Variants in CHD9 observed in about 807,000 individuals in gnomAD.
The protein encoded by CHD9 is ATP-dependent chromatin remodeler CHD9.
A neutral mutation model predicts 316.1 loss-of-function variants in CHD9; 77 were observed. The observed-to-expected ratio is 0.24, with a 90% CI of 0.20 to 0.29. The LOEUF (loss-of-function observed/expected upper bound fraction) is 0.29, where lower values mean the gene tolerates loss of function less well. CHD9 is among the 10% of genes least tolerant of loss of function. CHD9 has a pLI of 1.00. For synonymous variants in CHD9, 1,129 were observed against 1,158.3 expected (o/e 0.97, Z 0.51); for missense variants, 2,763 against 3,438.1 (o/e 0.80, Z 4.91).
chr16:53,324,907 T>G lies in CHD9; in HGVS notation c.*12T>G. ...GTAATGAAGACTGATTCCCAGACTC[T>G]GCACTTAAAATATGAACTGATTTTG... On this transcript the variant is annotated 3_prime_UTR_variant, in exon 39 of 39. Coordinates refer to ENST00000447540, the MANE Select transcript of CHD9 (RefSeq NM_001308319.2). 6.4e-7 allele frequency: 1 copy of G among 1,550,612 alleles called. No homozygotes were observed. The highest frequency in any genetic ancestry group is 1.4e-5 in the African/African-American group (1 of 72,326).
intron 29 of CHD9, among the ~76,000 whole-genome samples, chr16:53,296,500 G>C (rs992846057): frequency 6.9e-6 from 1 of 145,304 alleles, no homozygotes; most frequent in African/African-American, 2.6e-5. Flanking sequence ...GAGTGCAGTG[G>C]CACAATCTCG....
At position 53,185,826 on chromosome 16, in the gene CHD9, CT is replaced by C. The variant is rs570992129; in HGVS notation, c.1453-23654del. ...GCTTCAGAGGGTGCAAGCCCCAAAC[CT>C]TGGCAGCTTTCACATGGTGTTGGGC... On this transcript the variant is annotated intron_variant, in intron 2 of 38. Transcript: ENST00000447540. Among the ~76,000 whole-genome samples, 42 of 152,356 alleles carry C rather than the reference CT, an allele frequency of 2.8e-4. 1 individual carries two copies. The South Asian group carries it at 8.3e-3, about 30-fold the overall frequency.
chr16:53,088,744 C>T (rs2035686118), intron 1 of CHD9, among the ~76,000 whole-genome samples: 1 of 151,996 alleles, frequency 6.6e-6, no homozygotes, highest in Admixed American at 6.6e-5. Flanking sequence ...CTTTGGGAGG[C>T]CAAGGCAGGA....
chr16:53,111,596 G>C (rs2037871151), intron 1 of CHD9, among the ~76,000 whole-genome samples: 1 of 152,192 alleles, frequency 6.6e-6, no homozygotes, highest in Admixed American at 6.5e-5. Flanking sequence ...ACCCCAGGCT[G>C]ATGAAATGAA....
chr16:53,217,663 T>C lies in CHD9; in HGVS notation c.1785-4981T>C, dbSNP rs976436705. Among the ~76,000 whole-genome samples the C allele has an allele frequency of 2.0e-5, 3 of 152,192 alleles. No individual in the cohort carries two copies. The East Asian group carries it at 5.8e-4, about 29-fold the overall frequency. On this transcript the variant is annotated intron_variant, in intron 3 of 38. Transcript: ENST00000447540. ...CCTCTGTAATATTACCTAGATACCA[T>C]TTTAGAATCTATAATAAATTGGTAA...
chr16:53,238,274 G>T (rs1373830829), intron 11 of CHD9, 69 bp from the exon 12 acceptor site: 31 of 1,268,602 alleles, frequency 2.4e-5, no homozygotes, highest in East Asian at 7.8e-5. Flanking sequence ...GATTATTTTT[G>T]TATATTTATC....
rs532115584 is a variant in CHD9 at position 53,122,096 on chromosome 16, GAT to G, written c.-164-33829_-164-33828del. 6.9e-4 allele frequency: 105 copies of G among 152,288 alleles called. 1 individual carries two copies. Among genetic ancestry groups the G allele is most frequent in the African/African-American group, 1.9e-3 (78 of 41,570 alleles). 9.4% of individuals were successfully genotyped at this position (152,288 alleles called of 1,614,324 possible). ...ACTTTAATGTTTGTCAGTACTTATT[GAT>G]CAGTGAAAGAACATTTTCATTAATG... On this transcript the variant is annotated intron_variant, in intron 1 of 38. Transcript: ENST00000447540.
chr16:53,276,801 C>A (rs1276107851), intron 24 of CHD9, among the ~76,000 whole-genome samples: 1 of 152,098 alleles, frequency 6.6e-6, no homozygotes, highest in Non-Finnish European at 1.5e-5. Context: ...TTCTCAGACT[C>A]CATTTCTCTA....
At chr16:53,195,761 T>G (rs568634189) in intron 2 of CHD9, among the ~76,000 whole-genome samples, 17 of 149,452 alleles carry the variant, frequency 1.1e-4, no homozygotes, top group Non-Finnish European at 2.1e-4. Context: ...ATTCAATGTA[T>G]GCTTTTTTTT....
intron 37 of CHD9, chr16:53,321,270 G>A (rs1473908376): frequency 7.5e-7 from 1 of 1,340,676 alleles, no homozygotes; most frequent in African/African-American, 1.5e-5. Context: ...GGCCTGTCCA[G>A]CATGGTAGTT....
chr16:53,175,521 C>G (rs903141332), intron 2 of CHD9, among the ~76,000 whole-genome samples: 13 of 152,208 alleles, frequency 8.5e-5, no homozygotes, highest in African/African-American at 3.1e-4. Flanking sequence ...GTCCCTATTA[C>G]TCCATCTTGG....
chr16:53,207,723 TTTG>T (rs1226525649), intron 2 of CHD9, among the ~76,000 whole-genome samples: 1 of 152,194 alleles, frequency 6.6e-6, no homozygotes, highest in Non-Finnish European at 1.5e-5. Context: ...TGCTTTAGAT[TTTG>T]TTTTTTTAAA....
chr16:53,193,466 A>T (rs2044643115), intron 2 of CHD9, among the ~76,000 whole-genome samples: 1 of 151,748 alleles, frequency 6.6e-6, no homozygotes, highest in Non-Finnish European at 1.5e-5. Flanking sequence ...GAAAAAAAAA[A>T]ATCTTTTAAC....
intron 1 of CHD9, among the ~76,000 whole-genome samples, chr16:53,149,307 T>C (rs73599559): frequency 0.017 from 2,549 of 152,254 alleles, 76 homozygotes; most frequent in African/African-American, 0.057. Flanking sequence ...TCTTTTTTTA[T>C]TGATTTTCTG....
intron 22 of CHD9, among the ~76,000 whole-genome samples, chr16:53,270,227 T>C (rs2052112271): frequency 6.6e-6 from 1 of 150,874 alleles, no homozygotes; most frequent in Admixed American, 6.6e-5. Context: ...GTCTCAAAAT[T>C]CCTGAGCTCA....
At chr16:53,090,025 G>A (rs182588772) in intron 1 of CHD9, among the ~76,000 whole-genome samples, 55 of 152,364 alleles carry the variant, frequency 3.6e-4, no homozygotes, top group Non-Finnish European at 5.9e-4. Context: ...CTGGAGCCAA[G>A]AGCATCCTTT....
intron 29 of CHD9, among the ~76,000 whole-genome samples, chr16:53,293,515 C>T (rs1189212432): frequency 6.6e-6 from 1 of 151,780 alleles, no homozygotes; most frequent in African/African-American, 2.4e-5. Flanking sequence ...ACTCGGGAGA[C>T]TAAAGTGGGA....
In CHD9 at chr16:53,141,181, A is replaced by G. The variant is rs906174353; in HGVS notation, c.-164-14745A>G. Among the ~76,000 whole-genome samples, 5 of 152,282 alleles carry G rather than the reference A, an allele frequency of 3.3e-5. No individual in the cohort carries two copies. The South Asian group carries it at 1.0e-3, about 32-fold the overall frequency. On this transcript the variant is annotated intron_variant, in intron 1 of 38. Coordinates refer to ENST00000447540, the MANE Select transcript of CHD9 (RefSeq NM_001308319.2). ...GCTTTATGTGTATTATTTTACAGTC[A>G]TTTTTTGAGACCAGTACTGTTATAA...
At chr16:53,073,987 A>G (rs1197580344) in intron 1 of CHD9, among the ~76,000 whole-genome samples, 1 of 152,206 alleles carries the variant, frequency 6.6e-6, no homozygotes, top group Non-Finnish European at 1.5e-5. Context: ...AGAAGAAGAC[A>G]CGAAAATGTG....
Sources: allele counts gnomAD v4.1 joint callset (sites outside exome capture counted in the v4.1 genomes callset), GRCh38; gene constraint gnomAD v4.1.1; transcripts MANE v1.5; gene names NCBI Gene and HGNC (gene_info 2026-07-23, HGNC 2026-07-21).